The following DLG2 variants were observed in gnomAD, a reference collection of about 807,000 sequenced individuals.
The protein encoded by DLG2 is disks large homolog 2.
In DLG2, 45 loss-of-function variants were observed where a neutral mutation model predicts 132.5. That is an observed-to-expected ratio of 0.34 (90% confidence interval 0.27 to 0.44). The LOEUF is 0.44. Ranked by LOEUF, DLG2 falls within the 20% of genes least tolerant of loss-of-function variation. The pLI is 1.00. For missense variants in DLG2, 1,045 were observed against 1,196.9 expected (o/e 0.87, Z 1.87); for synonymous variants, 424 against 419.6 (o/e 1.01, Z -0.13).
intron 4 of DLG2, among the ~76,000 whole-genome samples, chr11:85,254,805 C>G (rs753863536): frequency 1.2e-4 from 18 of 151,986 alleles, no homozygotes; most frequent in Admixed American, 2.0e-4. Context: ...TCAAGACCAT[C>G]CTGGCTAACA....
intron 3 of DLG2, among the ~76,000 whole-genome samples, chr11:85,532,069 G>T (rs1239353668): frequency 6.6e-6 from 1 of 151,990 alleles, no homozygotes; most frequent in African/African-American, 2.4e-5. Context: ...AATACATTTA[G>T]GTATAGTTTA....
intron 7 of DLG2, among the ~76,000 whole-genome samples, chr11:84,420,071 A>G (rs2098943373): frequency 6.6e-6 from 1 of 152,226 alleles, no homozygotes; most frequent in Admixed American, 6.5e-5. Flanking sequence ...TGTTTGCCTT[A>G]AAAACAAACA....
At chr11:83,709,110 G>A (rs929656760) in intron 18 of DLG2, among the ~76,000 whole-genome samples, 6 of 151,856 alleles carry the variant, frequency 4.0e-5, no homozygotes, top group African/African-American at 1.2e-4. Flanking sequence ...GAGTCCTGGG[G>A]TAGCTGCCAA....
chr11:85,602,335 A>G (rs1189961693), intron 2 of DLG2, among the ~76,000 whole-genome samples: 1 of 152,148 alleles, frequency 6.6e-6, no homozygotes, highest in Non-Finnish European at 1.5e-5. Flanking sequence ...ACATTACTGC[A>G]ATGTTCTACT....
intron 19 of DLG2, among the ~76,000 whole-genome samples, chr11:83,563,920 A>G (rs1440650719): frequency 1.3e-5 from 2 of 152,200 alleles, no homozygotes; most frequent in Non-Finnish European, 2.9e-5. Context: ...TCTTCGTAGC[A>G]TTTGGGTTCT....
At chr11:84,296,122 A>G (rs2098085380) in intron 7 of DLG2, among the ~76,000 whole-genome samples, 1 of 152,224 alleles carries the variant, frequency 6.6e-6, no homozygotes, top group African/African-American at 2.4e-5. Flanking sequence ...GTATTCCCGA[A>G]AACACAACTT....
intron 3 of DLG2, among the ~76,000 whole-genome samples, chr11:85,423,234 G>C (rs1055644586): frequency 6.6e-6 from 1 of 152,140 alleles, no homozygotes; most frequent in Non-Finnish European, 1.5e-5. Flanking sequence ...CACCCAGCAA[G>C]TCTACCAAGT....
In DLG2 at chr11:85,559,154, T is replaced by G. The variant is rs539410274; in HGVS notation, c.40+39503A>C. ...ATTATATGGCTTCCATTATTATTATTATTTTTTTTTTTTTTGAGACGGTGT... is the reference window on the plus strand; with the variant it reads ...ATTATATGGCTTCCATTATTATTATGATTTTTTTTTTTTTTGAGACGGTGT... On this transcript the variant is annotated intron_variant, in intron 3 of 27. Transcript: ENST00000376104. Among the ~76,000 whole-genome samples, 3 of 148,574 alleles carry G rather than the reference T, an allele frequency of 2.0e-5. No individual in the cohort carries two copies. The South Asian group carries it at 6.3e-4, about 31-fold the overall frequency.
intron 10 of DLG2, among the ~76,000 whole-genome samples, chr11:84,078,572 A>G (rs538703177): frequency 1.3e-5 from 2 of 152,294 alleles, no homozygotes; most frequent in Non-Finnish European, 2.9e-5. Flanking sequence ...TAAATGGAAA[A>G]GTGAAAAAGA....
At chr11:85,512,614 A>T (rs775836638) in intron 3 of DLG2, among the ~76,000 whole-genome samples, 108 of 152,230 alleles carry the variant, frequency 7.1e-4, no homozygotes, top group Non-Finnish European at 1.1e-3. Context: ...AGCCAGGTTT[A>T]TTCTTGCTCA....
In DLG2 at chr11:84,279,660, G is replaced by A. The variant is rs1806605575; in HGVS notation, c.520-28369C>T. Among the ~76,000 whole-genome samples, 2 of 152,134 alleles carry A rather than the reference G, an allele frequency of 1.3e-5. 1 individual carries two copies. Among genetic ancestry groups the A allele is most frequent in the South Asian group, 4.1e-4 (2 of 4,828 alleles). ...AGGATGAGTTCTCATCTTTTGCAGG[G>A]ACATGGATGAAGATGGAAACCATCA... is the stretch of plus-strand genomic sequence containing the variant. On this transcript the variant is annotated intron_variant, in intron 7 of 27. Transcript: ENST00000376104.
chr11:84,036,163 G>A (rs114401792), intron 11 of DLG2, among the ~76,000 whole-genome samples: 2,508 of 152,034 alleles, frequency 0.016, 72 homozygotes, highest in African/African-American at 0.056. Context: ...AGAGAAATAC[G>A]GAGGTACCAA....
intron 6 of DLG2, chr11:84,545,752 T>TTC: frequency 2.8e-5 from 1 of 35,856 alleles, no homozygotes. Context: ...GGTGATGTTC[T>TTC]TTTTTTTTTT....
chr11:84,499,354 T>G (rs926842280), intron 7 of DLG2, among the ~76,000 whole-genome samples: 3 of 152,182 alleles, frequency 2.0e-5, no homozygotes, highest in Non-Finnish European at 4.4e-5. Flanking sequence ...AACATGGTAG[T>G]AACAATTTAG....
chr11:84,059,441 C>G lies in DLG2; in HGVS notation c.793G>C (p.Glu265Gln). ...ILRVNEVDVSEVSHSKAVEAL... is the reference protein window; with the variant it reads ...ILRVNEVDVSQVSHSKAVEAL... The stretch of plus-strand genomic sequence containing the variant: ...TCCACCGCTTTACTGTGGGAAACCT[C>G]TGACACATCAACCTCATTCACCCGC... The change falls in exon 11 of 28, where the codon GAG (glutamate) becomes CAG (glutamine). Residue 265 changes from glutamate (E) to glutamine (Q), a missense_variant. Coordinates refer to ENST00000376104, the MANE Select transcript of DLG2 (RefSeq NM_001142699.3). 1 of 1,612,652 alleles carries G rather than the reference C, an allele frequency of 6.2e-7. No individual in the cohort carries two copies. Among genetic ancestry groups the G allele is most frequent in the Non-Finnish European group, 8.5e-7 (1 of 1,179,378 alleles).
At chr11:83,810,077 T>C (rs2046881764) in intron 17 of DLG2, among the ~76,000 whole-genome samples, 1 of 152,102 alleles carries the variant, frequency 6.6e-6, no homozygotes, top group Admixed American at 6.6e-5. Flanking sequence ...CAGGATAAAG[T>C]GTGTGAAGGT....
intron 11 of DLG2, among the ~76,000 whole-genome samples, chr11:84,014,903 C>T (rs1325199449): frequency 6.6e-6 from 1 of 151,982 alleles, no homozygotes; most frequent in African/African-American, 2.4e-5. Flanking sequence ...AGCATATCTC[C>T]ACCCTCGAGA....
chr11:83,734,404 CTT>C, intron 18 of DLG2, among the ~76,000 whole-genome samples: 1 of 144,636 alleles, frequency 6.9e-6, no homozygotes, highest in Admixed American at 7.0e-5. Context: ...TCCTTCCTTC[CTT>C]CCCTCCCTCC....
chr11:84,688,746 T>C (rs1034807929), intron 6 of DLG2, among the ~76,000 whole-genome samples: 4 of 152,134 alleles, frequency 2.6e-5, no homozygotes, highest in African/African-American at 9.7e-5. Context: ...TCAGACAAGA[T>C]CAGCTCAAAT....
Sources: allele counts gnomAD v4.1 joint callset (sites outside exome capture counted in the v4.1 genomes callset), GRCh38; gene constraint gnomAD v4.1.1; transcripts MANE v1.5; gene names NCBI Gene and HGNC (gene_info 2026-07-23, HGNC 2026-07-21).